CP: variants seen among roughly 807,000 people sequenced by gnomAD.
CP encodes the protein caeruloplasmin.
CP carries 64 observed loss-of-function variants against 122.4 expected under a neutral mutation model. The observed-to-expected ratio is 0.52, with a 90% CI of 0.43 to 0.64. CP has a LOEUF of 0.64. Ranked by LOEUF, CP falls within the 30% of genes least tolerant of loss-of-function variation. CP has a pLI of 0.00. For missense variants in CP, 1,167 were observed against 1,284.4 expected, an observed-to-expected ratio of 0.91 and a Z score of 1.40; for synonymous variants, 440 against 436.4, an observed-to-expected ratio of 1.01 and a Z score of -0.10.
At chr3:149,216,965 A>G (rs932352647) in intron 1 of CP, among the ~76,000 whole-genome samples, 1 of 143,108 alleles carries the variant, frequency 7.0e-6, no homozygotes, top group African/African-American at 2.6e-5. Flanking sequence ...TAACGGCGTG[A>G]TCTCGGCTCA....
intron 5 of CP, 121 bp downstream of exon 5, chr3:149,207,242 G>A: frequency 9.1e-7 from 1 of 1,096,642 alleles, no homozygotes; most frequent in Non-Finnish European, 1.4e-6. Context: ...ACCATCATAG[G>A]GATAAAACTA....
chr3:149,165,710 T>A (rs1307056352), intron 5 of CP, among the ~76,000 whole-genome samples: 1 of 152,182 alleles, frequency 6.6e-6, no homozygotes, highest in African/African-American at 2.4e-5. Flanking sequence ...AAGTTATGAC[T>A]ACTTTCATTT....
chr3:149,197,642 AAGACATTTTTT>A (rs1330469478), intron 9 of CP, among the ~76,000 whole-genome samples: 2 of 152,208 alleles, frequency 1.3e-5, no homozygotes, highest in African/African-American at 2.4e-5. Flanking sequence ...GGTTTCACGG[AAGACATTTTTT>A]CTACAAAAAC....
chr3:149,212,463 T>C lies in CP; in HGVS notation c.382A>G (p.Lys128Glu). 1.2e-6 allele frequency: 2 copies of C among 1,613,900 alleles called. No homozygotes were observed. The highest frequency in any genetic ancestry group is 1.7e-6 in the Non-Finnish European group (2 of 1,179,928). The stretch of plus-strand genomic sequence containing the variant: ...GAGCTGAACTTACCCTCATGTTCCT[T>C]ATAGTAAGTTATTCCATGTGAATGA... ...TFHSHGITYY[K>E]EHEGAIYPDN... The change falls in exon 2 of 19, where the codon AAG becomes GAG. Residue 128 changes from lysine (K) to glutamate (E), a missense_variant. This residue lies in a region of CP where 642 missense variants were observed against 627.3 expected (regional missense o/e 1.02). Coordinates refer to ENST00000264613, the MANE Select transcript of CP (RefSeq NM_000096.4).
intron 14 of CP, among the ~76,000 whole-genome samples, chr3:149,180,290 C>T (rs560068311): frequency 1.3e-5 from 2 of 152,310 alleles, no homozygotes; most frequent in South Asian, 4.1e-4. Context: ...TGTCACTACT[C>T]CCACATACAG....
At chr3:149,185,076 A>G in intron 12 of CP, 163 bp downstream of exon 12, 1 of 682,096 alleles carries the variant, frequency 1.5e-6, no homozygotes, top group East Asian at 2.5e-5. Flanking sequence ...GCGGAAATGA[A>G]TAAGGACAAG....
rs1460509473 is a variant in CP at position 149,209,293 on chromosome 3, T to G, written c.699A>C (p.Glu233Asp). 21 of 1,613,734 alleles carry G rather than the reference T, an allele frequency of 1.3e-5. No individual in the cohort carries two copies. Among genetic ancestry groups the G allele is most frequent in the Non-Finnish European group, 1.7e-5 (20 of 1,179,802 alleles). The part of the protein sequence containing the change: ...VVDENFSWYL[E>D]DNIKTYCSEP... ...CTGAGCAGTAGGTTTTAATGTTGTCTTCTAGGTACCAGCTGAAATTTTCAT... is the reference window on the plus strand; with the variant it reads ...CTGAGCAGTAGGTTTTAATGTTGTCGTCTAGGTACCAGCTGAAATTTTCAT... Residue 233 changes from glutamate (E) to aspartate (D), a missense_variant, in exon 4 of 19, where the codon GAA becomes GAC. By Grantham distance (45) the Glu-to-Asp change is conservative. Around this residue, in one of 2 missense-constraint regions of CP, gnomAD observed 642 missense variants for 627.3 expected, o/e 1.02. Coordinates refer to ENST00000264613, the MANE Select transcript of CP (RefSeq NM_000096.4).
rs1443052126 is a variant in CP at position 149,198,389 on chromosome 3, C to T, written c.1691G>A (p.Ser564Asn). The T allele has an allele frequency of 2.5e-6, 4 of 1,613,724 alleles. No homozygotes were observed. In the Admixed American group the frequency reaches 6.7e-5, roughly 27 times the overall value. The part of the protein sequence containing the change: ...IGPMKICKKG[S>N]LHANGRQKDV... ...TACCTGTCTCCCATTTGCATGTAAA[C>T]TTCCTTTCTTGCATATTTTCATTGG... Residue 564 changes from serine (S) to asparagine (N), a missense_variant, in exon 9 of 19, where the codon AGT becomes AAT. By Grantham distance (46) the Ser-to-Asn change is conservative. Around this residue, in one of 2 missense-constraint regions of CP, gnomAD observed 525 missense variants for 657.2 expected, o/e 0.80. Transcript: ENST00000264613.
chr3:149,212,841 A>C, intron 1 of CP, 143 bp from the exon 2 acceptor site: 2 of 973,122 alleles, frequency 2.1e-6, no homozygotes, highest in Non-Finnish European at 3.0e-6. Flanking sequence ...TGCCTCCAAA[A>C]TTGAAGTGGA....
At chr3:149,163,214 A>T (rs1379946414) in intron 5 of CP, among the ~76,000 whole-genome samples, 3 of 152,232 alleles carry the variant, frequency 2.0e-5, no homozygotes, top group Admixed American at 6.5e-5. Flanking sequence ...GGAACATAAG[A>T]GAGAAGACAT....
downstream of CP, chr3:149,167,802 CT>C (rs2108186633): frequency 1.2e-6 from 1 of 815,242 alleles, no homozygotes; most frequent in South Asian, 1.4e-5. Context: ...TATTTTTGCT[CT>C]GTGCTTTCCT....
At chr3:149,208,578 G>T (rs1049284357) in intron 4 of CP, among the ~76,000 whole-genome samples, 1 of 152,102 alleles carries the variant, frequency 6.6e-6, no homozygotes, top group Admixed American at 6.6e-5. Flanking sequence ...ACAAATAAAC[G>T]AAAATATCTA....
At chr3:149,210,130 T>C in intron 3 of CP, 37 bp downstream of exon 3, 1 of 1,596,004 alleles carries the variant, frequency 6.3e-7, no homozygotes, top group Non-Finnish European at 8.6e-7. Context: ...CCCCTGTCTT[T>C]TGGTCATATA....
intron 6 of CP, among the ~76,000 whole-genome samples, chr3:149,202,989 C>A (rs533972388): frequency 4.7e-4 from 70 of 150,098 alleles, no homozygotes; most frequent in Admixed American, 2.3e-3. Context: ...TCACTGCAAC[C>A]TCCACCTCTC....
At chr3:149,176,562 A>G in intron 17 of CP, 150 bp from the exon 18 acceptor site, 1 of 659,814 alleles carries the variant, frequency 1.5e-6, no homozygotes, top group Non-Finnish European at 2.6e-6. Flanking sequence ...ACAAATGGTA[A>G]AATGTGGTTT....
intron 5 of CP, among the ~76,000 whole-genome samples, chr3:149,164,269 G>A (rs1476333616): frequency 1.3e-5 from 2 of 152,114 alleles, no homozygotes; most frequent in East Asian, 3.9e-4. Flanking sequence ...AATGTTTAGT[G>A]GTGTTTTTAT....
In CP at chr3:149,178,413, A is replaced by G. The variant is rs771277095; in HGVS notation, c.2878+2T>C. 5.7e-6 allele frequency: 9 copies of G among 1,569,084 alleles called. No individual in the cohort carries two copies. Among genetic ancestry groups the G allele is most frequent in the South Asian group, 1.1e-5 (1 of 90,124 alleles). Reference sequence around the variant, plus strand: ...AAATTGTTTTAGAATAATGTGACATACCATGCATTTTATTGCTTTCTATGA... The same window carrying G: ...AAATTGTTTTAGAATAATGTGACATGCCATGCATTTTATTGCTTTCTATGA... On this transcript the variant is annotated splice_donor_variant, in intron 16 of 18. Coordinates refer to ENST00000264613, the MANE Select transcript of CP (RefSeq NM_000096.4). LOFTEE classifies it high-confidence loss of function.
chr3:149,178,821 G>T (rs989079613), intron 15 of CP, among the ~76,000 whole-genome samples, 190 bp from the exon 16 acceptor site: 1 of 152,132 alleles, frequency 6.6e-6, no homozygotes, highest in African/African-American at 2.4e-5. Flanking sequence ...GTGAGTAGTA[G>T]GTAGGTCATG....
intron 5 of CP, chr3:149,165,871 A>C (rs1056172069): frequency 7.6e-6 from 3 of 394,604 alleles, no homozygotes; most frequent in African/African-American, 6.2e-5. Flanking sequence ...ACCTTATTTC[A>C]TCTCTGCCAT....
Sources: gnomAD v4.1 joint callset for allele counts (sites outside exome capture counted in the v4.1 genomes callset) on GRCh38, gnomAD v4.1.1 for gene constraint, gnomAD v4.1.1 regional missense constraint, MANE v1.5 for transcripts, NCBI Gene and HGNC (gene_info 2026-07-23, HGNC 2026-07-21) for gene names.